The following UTS2 variants were observed in gnomAD, a reference collection of about 807,000 sequenced individuals.
UTS2 encodes urotensin-2.
In UTS2, 10 loss-of-function variants were observed where a neutral mutation model predicts 12.6. That is an observed-to-expected ratio of 0.80 (90% CI 0.49 to 1.35). The LOEUF (loss-of-function observed/expected upper bound fraction) is 1.35. UTS2 is among the 40% of genes most tolerant of loss of function. The probability of loss-of-function intolerance (pLI) is 0.00; values close to 1 mark genes in which losing one functional copy is unlikely to be tolerated. For synonymous variants in UTS2, 52 were observed against 50.0 expected, an observed-to-expected ratio of 1.04 and a Z score of -0.17; for missense variants, 142 against 143.2, an observed-to-expected ratio of 0.99 and a Z score of 0.04.
At chr1:7,900,939 A>G in the UTS2 span, among the ~76,000 whole-genome samples, 2 of 152,114 alleles carry the variant, frequency 1.3e-5, no homozygotes, top group Non-Finnish European at 2.9e-5. Flanking sequence ...GGAATGATCC[A>G]CTCCATGAAA....
At chr1:7,893,483 C>A in the UTS2 span, among the ~76,000 whole-genome samples, 2 of 139,466 alleles carry the variant, frequency 1.4e-5, no homozygotes, top group East Asian at 2.1e-4. Flanking sequence ...CAGAGCCAGA[C>A]CCTGTCTCTA....
Position 7,847,682 on chromosome 1 carries a change from C to T in UTS2, c.*84G>A. The stretch of plus-strand genomic sequence containing the variant: ...GTGTAGTTTGCCTAGTTTTTCTCCA[C>T]ACTGTTTTCAAATCAAGCATTGTGT... On this transcript the variant is annotated 3_prime_UTR_variant, in exon 4 of 4. Transcript: ENST00000361696. 8.9e-7 allele frequency: 1 copy of T among 1,120,922 alleles called. No individual in the cohort carries two copies. The highest frequency in any genetic ancestry group is 1.3e-6 in the Non-Finnish European group (1 of 757,862). 69.4% of individuals were successfully genotyped at this position (1,120,922 alleles called of 1,614,324 possible).
the UTS2 span, among the ~76,000 whole-genome samples, chr1:7,872,030 G>T: frequency 6.6e-6 from 1 of 152,022 alleles, no homozygotes; most frequent in Non-Finnish European, 1.5e-5. Flanking sequence ...GGCCGGGCGC[G>T]GTGGCTCACG....
At chr1:7,885,824 G>A in the UTS2 span, among the ~76,000 whole-genome samples, 1 of 83,866 alleles carries the variant, frequency 1.2e-5, no homozygotes, top group Non-Finnish European at 2.3e-5. Flanking sequence ...AAGGTGAGGT[G>A]GGGAAATCAG....
Position 7,847,911 on chromosome 1 carries a change from C to CAA in UTS2, c.259-31_259-30dup, listed in dbSNP as rs531416825. ...AAACAATCCAAACGAACAACAACAA[C>CAA]AAAAAAAAACAGATAAGTTACCAAC... On this transcript the variant is annotated intron_variant, in intron 3 of 3. Coordinates refer to ENST00000361696, the MANE Select transcript of UTS2 (RefSeq NM_006786.4). 9.3e-6 allele frequency: 13 copies of CAA among 1,392,294 alleles called. No individual in the cohort carries two copies. In the African/African-American group the frequency reaches 1.2e-4, roughly 13 times the overall value. 86.2% of individuals were successfully genotyped at this position (1,392,294 alleles called of 1,614,324 possible).
chr1:7,898,317 T>C, the UTS2 span, among the ~76,000 whole-genome samples: 1 of 151,866 alleles, frequency 6.6e-6, no homozygotes, highest in Admixed American at 6.6e-5. Context: ...GCCAGTTAAA[T>C]TTACAAAGAA....
At chr1:7,910,158 T>C in the UTS2 span, among the ~76,000 whole-genome samples, 33 of 152,096 alleles carry the variant, frequency 2.2e-4, no homozygotes, top group East Asian at 3.3e-3. Flanking sequence ...CCCCTCATTC[T>C]CCCCGCAAAG....
chr1:7,850,669 G>T, intron 2 of UTS2, 143 bp downstream of exon 2: 1 of 768,114 alleles, frequency 1.3e-6, no homozygotes, highest in Non-Finnish European at 2.1e-6. Context: ...CACAGGCCGG[G>T]AGGGGAGAGT....
At chr1:7,900,250 T>G in the UTS2 span, among the ~76,000 whole-genome samples, 1 of 151,974 alleles carries the variant, frequency 6.6e-6, no homozygotes, top group Non-Finnish European at 1.5e-5. Context: ...AATTTAAAAA[T>G]TAGCCAGGCA....
the UTS2 span, among the ~76,000 whole-genome samples, chr1:7,882,461 C>A: frequency 6.6e-6 from 1 of 151,938 alleles, no homozygotes; most frequent in South Asian, 2.1e-4. Context: ...ATGTTAAGAC[C>A]TTAGAAGAAA....
the UTS2 span, among the ~76,000 whole-genome samples, chr1:7,869,703 G>A: frequency 3.3e-5 from 5 of 152,240 alleles, no homozygotes; most frequent in Non-Finnish European, 7.3e-5. Context: ...CGGGGGATGC[G>A]TCACGCACCC....
chr1:7,896,833 C>G, the UTS2 span, among the ~76,000 whole-genome samples: 1 of 151,840 alleles, frequency 6.6e-6, no homozygotes, highest in Non-Finnish European at 1.5e-5. Flanking sequence ...GTAGCTGGGA[C>G]TACAGGTGCG....
At chr1:7,874,342 C>T in the UTS2 span, among the ~76,000 whole-genome samples, 1 of 152,160 alleles carries the variant, frequency 6.6e-6, no homozygotes, top group African/African-American at 2.4e-5. Context: ...TCCTCTGAGA[C>T]CTGAGCAGCT....
At chr1:7,900,098 A>C in the UTS2 span, among the ~76,000 whole-genome samples, 1 of 152,240 alleles carries the variant, frequency 6.6e-6, no homozygotes, top group South Asian at 2.1e-4. Flanking sequence ...TCCTGAATGT[A>C]GAAATATCAA....
chr1:7,853,639 T>C, upstream of UTS2: 1 of 529,686 alleles, frequency 1.9e-6, no homozygotes, highest in Non-Finnish European at 3.2e-6. Flanking sequence ...AGCACTTCAA[T>C]CTTCAGAGAA....
the UTS2 span, among the ~76,000 whole-genome samples, chr1:7,910,572 T>G: frequency 6.6e-6 from 1 of 152,344 alleles, no homozygotes; most frequent in African/African-American, 2.4e-5. Flanking sequence ...GGGTCTTCAT[T>G]CTGAAGGCTC....
chr1:7,868,451 G>A, the UTS2 span, among the ~76,000 whole-genome samples: 2 of 152,226 alleles, frequency 1.3e-5, no homozygotes, highest in South Asian at 2.1e-4. Context: ...GCAAGCACTC[G>A]GCCCTGTGGG....
chr1:7,876,290 AACT>A, the UTS2 span, among the ~76,000 whole-genome samples: 1 of 152,022 alleles, frequency 6.6e-6, no homozygotes, highest in African/African-American at 2.4e-5. Context: ...ACACCTTGCC[AACT>A]ACCACCAGCA....
At chr1:7,855,453 G>A (rs1185606790), upstream of UTS2, among the ~76,000 whole-genome samples, 2 of 150,956 alleles carry the variant, frequency 1.3e-5, no homozygotes, top group East Asian at 2.0e-4. Context: ...GCGTGGTGGC[G>A]GGCCCCTGTA....
Sources: allele counts gnomAD v4.1 joint callset (sites outside exome capture counted in the v4.1 genomes callset), GRCh38; gene constraint gnomAD v4.1.1; transcripts MANE v1.5; gene names NCBI Gene and HGNC (gene_info 2026-07-23, HGNC 2026-07-21).